CSMD2: variants seen among roughly 807,000 people sequenced by gnomAD.
The protein encoded by CSMD2 is CUB and Sushi multiple domains 2, also known as CUB and sushi domain-containing protein 2.
Under a neutral mutation model 398.5 loss-of-function variants are expected in CSMD2, and 130 were observed. The ratio of observed to expected loss-of-function variants is 0.33; its 90% CI spans 0.28 to 0.38. The LOEUF is 0.38. Among genes scored for constraint, CSMD2 ranks in the 10% least tolerant of loss-of-function variants. CSMD2 has a pLI of 1.00. For missense variants in CSMD2, 3,829 were observed against 4,764.9 expected (o/e 0.80, Z 5.78); for synonymous variants, 1,828 against 1,908.5 (o/e 0.96, Z 1.10).
chr1:33,839,049 C>T (rs996931179), intron 6 of CSMD2: 1 of 152,210 alleles, frequency 6.6e-6, no homozygotes, highest in Non-Finnish European at 1.5e-5. Flanking sequence ...TGGAGACAAA[C>T]AAATCAGCAA....
intron 25 of CSMD2, among the ~76,000 whole-genome samples, chr1:33,675,804 A>G (rs1033304416): frequency 4.6e-5 from 7 of 152,264 alleles, no homozygotes; most frequent in Admixed American, 3.9e-4. Context: ...CTGGTTCAAC[A>G]TACGCAAATC....
rs771434184 is a variant in CSMD2, at chr1:33,569,490, G to A, written c.8015C>T (p.Ser2672Phe). The A allele has an allele frequency of 4.3e-6, 7 of 1,614,208 alleles. No homozygotes were observed. In the East Asian group the frequency reaches 6.7e-5, roughly 15 times the overall value. ...PPNGHRIGTLSVYGATAIFSC... is the reference protein window; with the variant it reads ...PPNGHRIGTLFVYGATAIFSC... Reference sequence around the variant, plus strand: ...GAAGATGGCTGTTGCCCCGTAGACAGACAGTGTTCCGATGCGGTGGCCATT... The same window carrying A: ...GAAGATGGCTGTTGCCCCGTAGACAAACAGTGTTCCGATGCGGTGGCCATT... Residue 2672 changes from serine to phenylalanine, a missense_variant, in exon 52 of 71, where the codon TCT becomes TTT. Around this residue, in one of 5 missense-constraint regions of CSMD2, gnomAD observed 723 missense variants for 758.6 expected, o/e 0.95. Coordinates refer to ENST00000373381, the MANE Select transcript of CSMD2 (RefSeq NM_001281956.2).
At chr1:33,670,799 A>G (rs1277124368) in intron 25 of CSMD2, among the ~76,000 whole-genome samples, 2 of 152,248 alleles carry the variant, frequency 1.3e-5, no homozygotes, top group Non-Finnish European at 2.9e-5. Context: ...AGAATATGGC[A>G]TGCTTCCACC....
At chr1:33,992,568 A>G (rs1646590222) in intron 3 of CSMD2, among the ~76,000 whole-genome samples, 1 of 151,492 alleles carries the variant, frequency 6.6e-6, no homozygotes, top group Admixed American at 6.6e-5. Context: ...ATGTCCATCA[A>G]TAAAATGTTA....
At chr1:34,032,823 T>C in intron 2 of CSMD2, 117 bp from the exon 3 acceptor site, 1 of 673,412 alleles carries the variant, frequency 1.5e-6, no homozygotes, top group Non-Finnish European at 2.5e-6. Context: ...ACAGAGGGTG[T>C]TCAAAGACAA....
intron 49 of CSMD2, among the ~76,000 whole-genome samples, chr1:33,575,704 C>T (rs529357554): frequency 2.5e-4 from 38 of 152,244 alleles, no homozygotes; most frequent in African/African-American, 7.7e-4. Flanking sequence ...AAGACTTGTC[C>T]TTGTTAATGC....
chr1:33,978,757 C>G (rs187851812), intron 3 of CSMD2, among the ~76,000 whole-genome samples: 88 of 152,300 alleles, frequency 5.8e-4, no homozygotes, highest in Non-Finnish European at 1.0e-3. Context: ...CCTTCTGTCT[C>G]TCCTGACCCC....
intron 13 of CSMD2, among the ~76,000 whole-genome samples, chr1:33,769,536 A>T (rs2149322592): frequency 6.6e-6 from 1 of 152,308 alleles, no homozygotes; most frequent in East Asian, 1.9e-4. Flanking sequence ...AACCTAAATT[A>T]AAAAAAGACT....
At chr1:33,595,921 T>C (rs1398794719) in intron 44 of CSMD2, among the ~76,000 whole-genome samples, 3 of 152,240 alleles carry the variant, frequency 2.0e-5, no homozygotes, top group African/African-American at 7.2e-5. Context: ...CTAAGAAATG[T>C]ATGTGCAAAC....
At chr1:33,808,619 G>C (rs1307792175) in intron 10 of CSMD2, among the ~76,000 whole-genome samples, 2 of 151,952 alleles carry the variant, frequency 1.3e-5, no homozygotes, top group African/African-American at 4.8e-5. Context: ...GAAATTTGTA[G>C]CCTTTGATGC....
chr1:33,600,414 T>G, intron 44 of CSMD2: 1 of 566,630 alleles, frequency 1.8e-6, no homozygotes. Context: ...CTACTCTGAA[T>G]TGTTCATACT....
chr1:33,909,851 G>C (rs1643351243), intron 5 of CSMD2, among the ~76,000 whole-genome samples: 1 of 152,172 alleles, frequency 6.6e-6, no homozygotes. Context: ...AGCACATCCA[G>C]CCTTATCTTC....
intron 2 of CSMD2, among the ~76,000 whole-genome samples, chr1:34,088,437 G>T (rs1418651038): frequency 6.6e-6 from 1 of 152,164 alleles, no homozygotes; most frequent in Non-Finnish European, 1.5e-5. Context: ...AGTCAGCTCA[G>T]GGGTACAGGA....
intron 13 of CSMD2, among the ~76,000 whole-genome samples, chr1:33,750,547 C>T (rs1370994898): frequency 6.6e-6 from 1 of 152,142 alleles, no homozygotes; most frequent in Non-Finnish European, 1.5e-5. Flanking sequence ...CCTACTTCCT[C>T]CCAGAGGAGG....
At position 33,924,226 on chromosome 1, in the gene CSMD2, T is replaced by A. The variant is rs184739122; in HGVS notation, c.713-5925A>T. On this transcript the variant is annotated intron_variant, in intron 4 of 70. Transcript: ENST00000373381. ...CTCTTCTAAAAAAAAAAAATAGAGA[T>A]GGAGTTGTGCTGGACATTGCCCAGG... Among the ~76,000 whole-genome samples, 21 of 150,866 alleles carry A rather than the reference T, an allele frequency of 1.4e-4. No individual in the cohort carries two copies. The East Asian group carries it at 2.9e-3, about 21-fold the overall frequency.
intron 5 of CSMD2, among the ~76,000 whole-genome samples, chr1:33,890,486 T>C (rs1343066787): frequency 9.2e-5 from 14 of 152,182 alleles, no homozygotes; most frequent in Admixed American, 2.0e-4. Flanking sequence ...TGCCTTGGCC[T>C]CCCAAAGTGC....
At chr1:33,836,922 G>T (rs894273793) in intron 6 of CSMD2, among the ~76,000 whole-genome samples, 1 of 152,152 alleles carries the variant, frequency 6.6e-6, no homozygotes, top group Non-Finnish European at 1.5e-5. Context: ...ACCTCAGTTG[G>T]AAATGCAGAA....
At chr1:33,796,889 C>T (rs1057420609) in intron 10 of CSMD2, among the ~76,000 whole-genome samples, 3 of 152,100 alleles carry the variant, frequency 2.0e-5, no homozygotes, top group Non-Finnish European at 2.9e-5. Context: ...TATAAATGGC[C>T]GCTCTGGGAG....
At chr1:34,003,413 C>T (rs1168921062) in intron 3 of CSMD2, among the ~76,000 whole-genome samples, 3 of 152,140 alleles carry the variant, frequency 2.0e-5, no homozygotes, top group African/African-American at 7.2e-5. Flanking sequence ...TACAAGGTGA[C>T]TAATAAATAA....
Sources: gnomAD v4.1 joint callset for allele counts (sites outside exome capture counted in the v4.1 genomes callset) on GRCh38, gnomAD v4.1.1 for gene constraint, gnomAD v4.1.1 regional missense constraint, MANE v1.5 for transcripts, NCBI Gene and HGNC (gene_info 2026-07-23, HGNC 2026-07-21) for gene names.